SLC9A9: variants seen among roughly 807,000 people sequenced by gnomAD.
The protein encoded by SLC9A9 is solute carrier family 9 member A9.
SLC9A9 carries 62 observed loss-of-function variants against 77.8 expected under a neutral mutation model. The ratio of observed to expected loss-of-function variants is 0.80; its 90% confidence interval spans 0.65 to 0.98. SLC9A9 has a LOEUF of 0.98. Among genes scored for constraint, SLC9A9 ranks in the 50% least tolerant of loss-of-function variants. SLC9A9 has a pLI of 0.00. For synonymous variants in SLC9A9, 320 were observed against 283.5 expected (o/e 1.13, Z -1.29); for missense variants, 775 against 774.9 (o/e 1.00, Z 0.00).
intron 4 of SLC9A9, among the ~76,000 whole-genome samples, chr3:143,714,713 C>G (rs2108798737): frequency 6.6e-6 from 1 of 152,302 alleles, no homozygotes; most frequent in South Asian, 2.1e-4. Flanking sequence ...AGAGGCTGAT[C>G]TATATGGGCT....
chr3:143,287,469 T>C (rs909843250), intron 14 of SLC9A9, among the ~76,000 whole-genome samples: 1 of 152,172 alleles, frequency 6.6e-6, no homozygotes, highest in Non-Finnish European at 1.5e-5. Flanking sequence ...TGCTTGCCTT[T>C]GGTAGCTTCT....
chr3:143,660,355 C>T (rs1201672558), intron 5 of SLC9A9, among the ~76,000 whole-genome samples: 1 of 152,196 alleles, frequency 6.6e-6, no homozygotes, highest in Non-Finnish European at 1.5e-5. Flanking sequence ...GGATCACTTG[C>T]AAGAGCCAGA....
chr3:143,589,019 G>T (rs1384092751), intron 6 of SLC9A9, among the ~76,000 whole-genome samples: 3 of 152,154 alleles, frequency 2.0e-5, no homozygotes, highest in African/African-American at 4.8e-5. Context: ...ACCAAAGATG[G>T]AAATCCAGCT....
intron 13 of SLC9A9, among the ~76,000 whole-genome samples, chr3:143,366,766 T>TA (rs2032913592): frequency 1.3e-5 from 2 of 152,150 alleles, no homozygotes; most frequent in Non-Finnish European, 1.5e-5. Context: ...CTGGGATACA[T>TA]ATAGGTTTTC....
At chr3:143,662,467 A>G (rs558198937) in intron 5 of SLC9A9, among the ~76,000 whole-genome samples, 4 of 152,334 alleles carry the variant, frequency 2.6e-5, no homozygotes, top group South Asian at 4.1e-4. Flanking sequence ...CAGTGGGCGC[A>G]GCCCACAGAG....
intron 9 of SLC9A9, 107 bp downstream of exon 9, chr3:143,552,255 C>T: frequency 1.3e-6 from 1 of 769,602 alleles, no homozygotes. Context: ...CTTAAGCTTA[C>T]ATTCTTCCTT....
chr3:143,416,831 G>A (rs2034203914), intron 12 of SLC9A9, among the ~76,000 whole-genome samples: 1 of 152,160 alleles, frequency 6.6e-6, no homozygotes, highest in South Asian at 2.1e-4. Context: ...GTGTACATAT[G>A]TGTGTATATG....
chr3:143,668,253 C>T (rs1385551826), intron 5 of SLC9A9, among the ~76,000 whole-genome samples: 1 of 148,162 alleles, frequency 6.7e-6, no homozygotes, highest in Non-Finnish European at 1.5e-5. Flanking sequence ...ACACCGCATG[C>T]TCTCACTCGT....
chr3:143,693,439 C>G (rs1933538888), intron 4 of SLC9A9, 132 bp from the exon 5 acceptor site: 1 of 744,210 alleles, frequency 1.3e-6, no homozygotes, highest in South Asian at 1.5e-5. Flanking sequence ...TGCCAAATGA[C>G]AGCCGTGCTA....
chr3:143,477,120 A>AT (rs2035490070), intron 11 of SLC9A9, among the ~76,000 whole-genome samples: 1 of 152,098 alleles, frequency 6.6e-6, no homozygotes, highest in African/African-American at 2.4e-5. Context: ...CATAAACTAT[A>AT]TTTTCTATAG....
At chr3:143,765,001 T>TTCTTTCTTTCTCTCTTTC (rs1553790235) in intron 4 of SLC9A9, among the ~76,000 whole-genome samples, 131 of 143,548 alleles carry the variant, frequency 9.1e-4, no homozygotes, top group Non-Finnish European at 1.7e-3. Flanking sequence ...CTTCCTTCCT[T>TTCTTTCTTTCTCTCTTTC]TCTTTCTTTC....
intron 3 of SLC9A9, 144 bp downstream of exon 3, chr3:143,796,682 T>C (rs2008393701): frequency 1.7e-6 from 1 of 592,942 alleles, no homozygotes; most frequent in African/African-American, 1.9e-5. Flanking sequence ...ATTCTAAGCA[T>C]GTCAGGTTTG....
chr3:143,744,370 A>G (rs1244792697), intron 4 of SLC9A9, among the ~76,000 whole-genome samples: 2 of 152,072 alleles, frequency 1.3e-5, no homozygotes, highest in Non-Finnish European at 2.9e-5. Context: ...CTTGATTGGG[A>G]GACTGACTCT....
chr3:143,613,226 C>T (rs1175014463), intron 6 of SLC9A9, among the ~76,000 whole-genome samples: 1 of 152,106 alleles, frequency 6.6e-6, no homozygotes, highest in Non-Finnish European at 1.5e-5. Flanking sequence ...TGTTTTTCTC[C>T]CTTTCTTTCT....
At chr3:143,358,700 G>A (rs572168796) in intron 14 of SLC9A9, among the ~76,000 whole-genome samples, 3 of 152,140 alleles carry the variant, frequency 2.0e-5, no homozygotes, top group Admixed American at 1.3e-4. Context: ...AATTTTATCT[G>A]ATGTCTTAAA....
intron 5 of SLC9A9, among the ~76,000 whole-genome samples, chr3:143,666,858 C>T (rs547772202): frequency 6.6e-5 from 10 of 152,292 alleles, no homozygotes; most frequent in Admixed American, 4.6e-4. Flanking sequence ...AAGAACATTC[C>T]ATGCTCACGA....
At chr3:143,334,319 C>T (rs953021711) in intron 14 of SLC9A9, among the ~76,000 whole-genome samples, 1 of 152,190 alleles carries the variant, frequency 6.6e-6, no homozygotes. Flanking sequence ...TCTGATTTTA[C>T]GATCCTGGTC....
intron 12 of SLC9A9, among the ~76,000 whole-genome samples, chr3:143,454,090 A>G (rs949261637): frequency 3.9e-5 from 6 of 152,202 alleles, no homozygotes; most frequent in Admixed American, 1.3e-4. Flanking sequence ...TGGACTTCCC[A>G]GCTTCTAGAA....
intron 9 of SLC9A9, chr3:143,504,008 C>T (rs1438555588): frequency 3.3e-5 from 15 of 451,700 alleles, no homozygotes; most frequent in African/African-American, 1.2e-4. Flanking sequence ...GTGCCAGCAT[C>T]GCCCCATTTG....
Sources: gnomAD v4.1 joint callset for allele counts (sites outside exome capture counted in the v4.1 genomes callset) on GRCh38, gnomAD v4.1.1 for gene constraint, MANE v1.5 for transcripts, NCBI Gene and HGNC (gene_info 2026-07-23, HGNC 2026-07-21) for gene names.